The following LRRC4C variants were observed in gnomAD, a reference collection of about 807,000 sequenced individuals.
The protein encoded by LRRC4C is leucine-rich repeat-containing protein 4C.
LRRC4C carries 5 observed loss-of-function variants against 33.6 expected under a neutral mutation model. That is an observed-to-expected ratio of 0.15 (90% CI 0.08 to 0.31). The LOEUF (loss-of-function observed/expected upper bound fraction) is 0.31, where lower values mean the gene tolerates loss of function less well. Ranked by LOEUF, LRRC4C falls within the 10% of genes least tolerant of loss-of-function variation. The pLI is 1.00. For missense variants in LRRC4C, 560 were observed against 796.7 expected (o/e 0.70, Z 3.58); for synonymous variants, 329 against 302.0 (o/e 1.09, Z -0.93).
At chr11:40,205,198 A>G (rs1378560470) in intron 5 of LRRC4C, among the ~76,000 whole-genome samples, 1 of 152,226 alleles carries the variant, frequency 6.6e-6, no homozygotes, top group Admixed American at 6.5e-5. Flanking sequence ...TAGTAACTCC[A>G]GGTATAGAAG....
chr11:41,238,784 AAAAC>A (rs758796563), intron 1 of LRRC4C, among the ~76,000 whole-genome samples: 9 of 152,090 alleles, frequency 5.9e-5, no homozygotes, highest in Non-Finnish European at 1.2e-4. Flanking sequence ...TCAGGTAATA[AAAAC>A]AAACAAATAA....
At chr11:41,341,460 T>G (rs895958984) in intron 1 of LRRC4C, among the ~76,000 whole-genome samples, 13 of 152,214 alleles carry the variant, frequency 8.5e-5, no homozygotes, top group Admixed American at 3.3e-4. Flanking sequence ...GTTTTCTACA[T>G]TTTTTTCCAG....
intron 1 of LRRC4C, among the ~76,000 whole-genome samples, chr11:41,243,303 C>A (rs1304089694): frequency 6.6e-6 from 1 of 152,170 alleles, no homozygotes; most frequent in African/African-American, 2.4e-5. Context: ...CATCCATTAT[C>A]TTGTTTAACT....
At chr11:41,267,611 CT>C (rs1464485870) in intron 1 of LRRC4C, among the ~76,000 whole-genome samples, 1 of 152,116 alleles carries the variant, frequency 6.6e-6, no homozygotes, top group Non-Finnish European at 1.5e-5. Flanking sequence ...GCCAAAAAGT[CT>C]TCTTGAATAA....
intron 1 of LRRC4C, among the ~76,000 whole-genome samples, chr11:41,376,245 A>G (rs1424805785): frequency 1.3e-5 from 2 of 152,124 alleles, no homozygotes; most frequent in African/African-American, 4.8e-5. Context: ...GCCACAAGGG[A>G]GTGTGCTGAA....
intron 2 of LRRC4C, among the ~76,000 whole-genome samples, chr11:40,694,971 C>A (rs530060045): frequency 6.6e-6 from 1 of 151,868 alleles, no homozygotes; most frequent in Admixed American, 6.6e-5. Flanking sequence ...TATTTCCTGA[C>A]TTTATATTCA....
intron 1 of LRRC4C, among the ~76,000 whole-genome samples, chr11:41,439,913 C>T (rs1416586668): frequency 4.6e-5 from 7 of 152,204 alleles, no homozygotes; most frequent in Non-Finnish European, 1.0e-4. Flanking sequence ...CTGTTGGATG[C>T]ATAGTTTGCA....
intron 2 of LRRC4C, among the ~76,000 whole-genome samples, chr11:40,717,565 T>G (rs1199716668): frequency 6.6e-6 from 1 of 152,104 alleles, no homozygotes. Context: ...GGTTCTTTTT[T>G]TGGGGGGGTA....
At chr11:40,751,739 T>C (rs976833862) in intron 2 of LRRC4C, among the ~76,000 whole-genome samples, 14 of 151,924 alleles carry the variant, frequency 9.2e-5, no homozygotes, top group Non-Finnish European at 1.5e-4. Flanking sequence ...TCCACAGAAA[T>C]AGAAACAAAT....
At chr11:40,506,994 A>C (rs1014701024) in intron 3 of LRRC4C, among the ~76,000 whole-genome samples, 1 of 152,128 alleles carries the variant, frequency 6.6e-6, no homozygotes, top group Admixed American at 6.5e-5. Context: ...ATATATTCTT[A>C]TTGCTTTACT....
chr11:40,977,652 T>C (rs958559897), intron 1 of LRRC4C, among the ~76,000 whole-genome samples: 6 of 152,166 alleles, frequency 3.9e-5, no homozygotes, highest in African/African-American at 1.4e-4. Context: ...CCTTATATTT[T>C]CAGTCCAGAT....
intron 1 of LRRC4C, among the ~76,000 whole-genome samples, chr11:41,233,161 G>C (rs539827206): frequency 6.6e-6 from 1 of 152,022 alleles, no homozygotes; most frequent in East Asian, 1.9e-4. Context: ...ATCTTCCAAG[G>C]TATTTTTACC....
At chr11:40,253,640 GAA>G (rs1866964858) in intron 4 of LRRC4C, among the ~76,000 whole-genome samples, 1 of 152,146 alleles carries the variant, frequency 6.6e-6, no homozygotes, top group East Asian at 1.9e-4. Flanking sequence ...ATAAGTGATG[GAA>G]ATACACGATT....
Position 41,175,735 on chromosome 11 carries a change from T to C in LRRC4C, c.-495-242012A>G, listed in dbSNP as rs183009584. On this transcript the variant is annotated intron_variant, in intron 1 of 6. Transcript: ENST00000528697. The stretch of plus-strand genomic sequence containing the variant: ...ATTACTGTAGCAGTAAAATGTTTAC[T>C]TCAACACAATTCTAAGGTCCCAGAG... 4.1e-3 allele frequency among the ~76,000 whole-genome samples: 626 copies of C among 152,280 alleles called. 20 individuals carry two copies. Among genetic ancestry groups the C allele is most frequent in the Admixed American group, 0.037 (573 of 15,292 alleles).
intron 1 of LRRC4C, among the ~76,000 whole-genome samples, chr11:41,197,611 C>G (rs1419447520): frequency 2.0e-5 from 3 of 151,882 alleles, no homozygotes; most frequent in Non-Finnish European, 2.9e-5. Context: ...TATTTTTTCT[C>G]CAGAGACAGA....
rs1402806748 is a variant in LRRC4C at position 40,115,766 on chromosome 11, C to T, written c.527G>A (p.Arg176Gln). The change falls in exon 7 of 7, where the codon CGA becomes CAA. Residue 176 changes from arginine (R) to glutamine (Q), a missense_variant. Coordinates refer to ENST00000528697, the MANE Select transcript of LRRC4C (RefSeq NM_001258419.2). The surrounding 1 kb of genome is among the most constrained non-coding windows in gnomAD (Gnocchi z 6.7). Reference protein sequence around the residue: ...YAFNRIPSLRRLDLGELKRLS... With the variant: ...YAFNRIPSLRQLDLGELKRLS... ...TCTTTTCAATTCCCCTAAGTCTAGT[C>T]GGCGCAAAGAAGGAATTCTGTTAAA... 3.1e-6 allele frequency: 5 copies of T among 1,613,994 alleles called. No homozygotes were observed. Among genetic ancestry groups the T allele is most frequent in the Admixed American group, 1.7e-5 (1 of 59,982 alleles).
chr11:41,123,799 G>C (rs1942597410), intron 1 of LRRC4C, among the ~76,000 whole-genome samples: 1 of 152,154 alleles, frequency 6.6e-6, no homozygotes, highest in Non-Finnish European at 1.5e-5. Flanking sequence ...TGGGTGTGTG[G>C]TTTAATCAAT....
At position 41,444,982 on chromosome 11, in the gene LRRC4C, T is replaced by C. The variant is rs1031659421; in HGVS notation, c.-496+14449A>G. On this transcript the variant is annotated intron_variant, in intron 1 of 6. Transcript: ENST00000528697. ...CCACGCCCGGCTAATTTTGTATTTT[T>C]AGTAGAGACAGGGTTTCTTCATGTT... 4.6e-5 allele frequency among the ~76,000 whole-genome samples: 7 copies of C among 151,932 alleles called. No individual in the cohort carries two copies. The East Asian group carries it at 1.2e-3, about 25-fold the overall frequency.
chr11:40,793,967 A>G (rs1384778394), intron 2 of LRRC4C, among the ~76,000 whole-genome samples: 2 of 152,150 alleles, frequency 1.3e-5, no homozygotes, highest in African/African-American at 4.8e-5. Flanking sequence ...TTTCTCTATT[A>G]TCTTCATATA....
Sources: gnomAD v4.1 joint callset for allele counts (sites outside exome capture counted in the v4.1 genomes callset) on GRCh38, gnomAD v4.1.1 for gene constraint, Gnocchi (gnomAD v3.1) non-coding constraint, MANE v1.5 for transcripts, NCBI Gene and HGNC (gene_info 2026-07-23, HGNC 2026-07-21) for gene names.